The following SUSD1 variants were observed in gnomAD, a reference collection of about 807,000 sequenced individuals.
SUSD1 encodes the protein sushi domain-containing protein 1.
SUSD1 carries 65 observed loss-of-function variants against 86.9 expected under a neutral mutation model. The observed-to-expected ratio is 0.75, with a 90% CI of 0.61 to 0.92. The LOEUF (loss-of-function observed/expected upper bound fraction) is 0.92. SUSD1 is among the 40% of genes least tolerant of loss of function. The pLI is 0.00. For synonymous variants in SUSD1, 346 were observed against 350.0 expected (o/e 0.99, Z 0.13); for missense variants, 850 against 929.7 (o/e 0.91, Z 1.11).
chr9:112,064,467 T>C (rs987037526), intron 12 of SUSD1, among the ~76,000 whole-genome samples: 2 of 152,190 alleles, frequency 1.3e-5, no homozygotes, highest in Non-Finnish European at 2.9e-5. Context: ...GAAAACTGTC[T>C]CTGATGAAAC....
intron 5 of SUSD1, among the ~76,000 whole-genome samples, chr9:112,126,645 C>T (rs1312471162): frequency 6.6e-6 from 1 of 152,118 alleles, no homozygotes; most frequent in African/African-American, 2.4e-5. Flanking sequence ...GATTTCAGCA[C>T]GGCTTGGATT....
At chr9:112,143,132 C>T (rs760556034) in intron 4 of SUSD1, among the ~76,000 whole-genome samples, 3 of 150,786 alleles carry the variant, frequency 2.0e-5, no homozygotes, top group Non-Finnish European at 3.0e-5. Context: ...TTACAGGTGC[C>T]CACCACCACA....
chr9:112,047,524 T>C (rs2118858615), intron 15 of SUSD1, among the ~76,000 whole-genome samples: 1 of 152,312 alleles, frequency 6.6e-6, no homozygotes, highest in South Asian at 2.1e-4. Context: ...CTTGCTGCTA[T>C]GGTTTGAGTT....
intron 1 of SUSD1, among the ~76,000 whole-genome samples, chr9:112,158,456 T>C (rs1040234363): frequency 2.6e-5 from 4 of 152,092 alleles, no homozygotes; most frequent in African/African-American, 9.7e-5. Context: ...AGTGGCATGA[T>C]CTCAGCTCAC....
chr9:112,152,751 C>CTTTTTTTTTTTTTTTTTTTTTT (rs71382410), intron 2 of SUSD1, among the ~76,000 whole-genome samples: 7 of 87,478 alleles, frequency 8.0e-5, no homozygotes, highest in African/African-American at 2.5e-4. Flanking sequence ...TTTTTTTAAT[C>CTTTTTTTTTTTTTTTTTTTTTT]TTTTTTTTTT....
chr9:112,096,900 A>G (rs1830417500), intron 10 of SUSD1, among the ~76,000 whole-genome samples: 1 of 152,174 alleles, frequency 6.6e-6, no homozygotes, highest in African/African-American at 2.4e-5. Context: ...TTCATATTCA[A>G]TTTGCGAGCA....
At chr9:112,062,016 A>G (rs1589594972) in intron 13 of SUSD1, among the ~76,000 whole-genome samples, 1 of 152,312 alleles carries the variant, frequency 6.6e-6, no homozygotes, top group East Asian at 1.9e-4. Flanking sequence ...AAAACACTTA[A>G]CTGAACACAC....
At chr9:112,158,034 G>A (rs1212004762) in intron 1 of SUSD1, among the ~76,000 whole-genome samples, 1 of 151,614 alleles carries the variant, frequency 6.6e-6, no homozygotes, top group East Asian at 1.9e-4. Context: ...ATGTTGCCCA[G>A]GCTGGTCTCG....
chr9:112,167,605 C>T (rs565671283), intron 1 of SUSD1, among the ~76,000 whole-genome samples: 21 of 152,284 alleles, frequency 1.4e-4, no homozygotes, highest in Middle Eastern at 6.8e-3. Context: ...TGGTTACAAG[C>T]GCTTGGGTTA....
At chr9:112,166,186 C>A (rs902670907) in intron 1 of SUSD1, among the ~76,000 whole-genome samples, 1 of 152,144 alleles carries the variant, frequency 6.6e-6, no homozygotes, top group Admixed American at 6.6e-5. Flanking sequence ...ATTATTCAGC[C>A]GTGATTAGCC....
intron 1 of SUSD1, among the ~76,000 whole-genome samples, chr9:112,170,059 G>A (rs961320447): frequency 6.6e-6 from 1 of 152,072 alleles, no homozygotes; most frequent in Non-Finnish European, 1.5e-5. Context: ...TTGGGATTTT[G>A]AGCTACAGAG....
chr9:112,155,456 G>C (rs910906452), intron 2 of SUSD1, among the ~76,000 whole-genome samples: 57 of 152,136 alleles, frequency 3.7e-4, no homozygotes, highest in Non-Finnish European at 1.0e-4. Context: ...CTCATGGGTA[G>C]AAACCTAAAA....
chr9:112,118,299 A>C (rs1362958289), intron 6 of SUSD1, among the ~76,000 whole-genome samples: 2 of 152,144 alleles, frequency 1.3e-5, no homozygotes, highest in Non-Finnish European at 2.9e-5. Context: ...CACCACAGAA[A>C]TCAGGGTATG....
At chr9:112,110,216 G>A (rs909215937) in intron 8 of SUSD1, among the ~76,000 whole-genome samples, 3 of 152,106 alleles carry the variant, frequency 2.0e-5, no homozygotes, top group African/African-American at 7.2e-5. Flanking sequence ...AGGCACGGTC[G>A]TGGATGCCTG....
At chr9:112,049,039 A>G (rs1828075877) in intron 15 of SUSD1, among the ~76,000 whole-genome samples, 1 of 152,230 alleles carries the variant, frequency 6.6e-6, no homozygotes, top group Admixed American at 6.5e-5. Flanking sequence ...TGAGTTTAGA[A>G]ACAAGTCAGG....
chr9:112,129,711 C>T (rs570199203), intron 5 of SUSD1, among the ~76,000 whole-genome samples: 1 of 152,286 alleles, frequency 6.6e-6, no homozygotes, highest in East Asian at 1.9e-4. Flanking sequence ...CATGCCTTCC[C>T]GAATATATGG....
intron 10 of SUSD1, among the ~76,000 whole-genome samples, chr9:112,080,764 A>C (rs1470860455): frequency 2.0e-5 from 3 of 152,228 alleles, no homozygotes; most frequent in African/African-American, 7.2e-5. Context: ...TTGGCTTACT[A>C]AGCTAAAATT....
At chr9:112,074,802 T>G (rs1322326965) in intron 12 of SUSD1, among the ~76,000 whole-genome samples, 1 of 152,050 alleles carries the variant, frequency 6.6e-6, no homozygotes, top group Non-Finnish European at 1.5e-5. Flanking sequence ...TGGTTTTTTT[T>G]TTTTTTTAAC....
chr9:112,065,652 C>T (rs1420105979), intron 12 of SUSD1, among the ~76,000 whole-genome samples: 1 of 152,192 alleles, frequency 6.6e-6, no homozygotes, highest in African/African-American at 2.4e-5. Flanking sequence ...ATCAGAGAAG[C>T]TAGACTACAG....
Sources: allele counts gnomAD v4.1 joint callset (sites outside exome capture counted in the v4.1 genomes callset), GRCh38; gene constraint gnomAD v4.1.1; transcripts MANE v1.5; gene names NCBI Gene and HGNC (gene_info 2026-07-23, HGNC 2026-07-21).